ARHGAP5: variants seen among roughly 807,000 people sequenced by gnomAD.
ARHGAP5 encodes the protein Rho GTPase activating protein 5, also known as rho GTPase-activating protein 5.
A neutral mutation model predicts 116.6 loss-of-function variants in ARHGAP5; 23 were observed. The ratio of observed to expected loss-of-function variants is 0.20; its 90% CI spans 0.14 to 0.28. The LOEUF is 0.28. ARHGAP5 is among the 10% of genes least tolerant of loss of function. The pLI is 1.00. For missense variants in ARHGAP5, 1,405 were observed against 1,774.8 expected (o/e 0.79, Z 3.74); for synonymous variants, 574 against 602.0 (o/e 0.95, Z 0.68).
chr14:32,098,189 G>C (rs764170252), intron 2 of ARHGAP5, among the ~76,000 whole-genome samples: 2 of 152,192 alleles, frequency 1.3e-5, no homozygotes, highest in Non-Finnish European at 2.9e-5. Context: ...AATGGTGGTA[G>C]TGTGTATGCT....
intron 5 of ARHGAP5, among the ~76,000 whole-genome samples, chr14:32,151,146 T>C (rs1594399498): frequency 6.6e-6 from 1 of 152,346 alleles, no homozygotes; most frequent in East Asian, 1.9e-4. Flanking sequence ...ATGGCTTAAT[T>C]GATAGCTTAG....
At position 32,154,746 on chromosome 14, in the gene ARHGAP5, C is replaced by T. The variant is rs11551871; in HGVS notation, c.4307C>T (p.Ser1436Phe). Residue 1436 changes from serine to phenylalanine, a missense_variant, in exon 7 of 7, where the codon TCT (serine) becomes TTT (phenylalanine). Transcript: ENST00000345122. ...EFLSTTKIHQ[S>F]VVETFIQQCQ... ...CTGTCTACTACTAAGATTCATCAAT[C>T]TGTTGTTGAAACATTCATTCAGCAG... 1.2e-6 allele frequency: 2 copies of T among 1,614,126 alleles called. No homozygotes were observed. The highest frequency in any genetic ancestry group is 1.7e-5 in the Admixed American group (1 of 60,024).
In ARHGAP5 at chr14:32,154,625, A is replaced by C; in HGVS notation, c.4186A>C (p.Ser1396Arg). The change falls in exon 7 of 7, where the codon AGT becomes CGT. Residue 1396 changes from serine to arginine, a missense_variant. Coordinates refer to ENST00000345122, the MANE Select transcript of ARHGAP5 (RefSeq NM_001030055.2). ...RYVITHLNRV[S>R]QQHKINLMTA... Reference sequence around the variant, plus strand: ...TTTTTCCTTTCATAATTTCAGGGTTAGTCAGCAACATAAAATCAACCTAAT... The same window carrying C: ...TTTTTCCTTTCATAATTTCAGGGTTCGTCAGCAACATAAAATCAACCTAAT... 1 of 1,600,754 alleles carries C rather than the reference A, an allele frequency of 6.2e-7. No individual in the cohort carries two copies. Among genetic ancestry groups the C allele is most frequent in the Non-Finnish European group, 8.5e-7 (1 of 1,171,144 alleles).
chr14:32,152,890 C>T (rs999402694), intron 6 of ARHGAP5, among the ~76,000 whole-genome samples: 1 of 152,036 alleles, frequency 6.6e-6, no homozygotes, highest in African/African-American at 2.4e-5. Context: ...ACTTATTCTT[C>T]CTAAGTCTTG....
chr14:32,090,516 T>C lies in ARHGAP5; in HGVS notation c.-154T>C. 1.6e-6 allele frequency: 1 copy of C among 639,238 alleles called. No homozygotes were observed. Among genetic ancestry groups the C allele is most frequent in the Non-Finnish European group, 2.6e-6 (1 of 381,180 alleles). 39.6% of individuals were successfully genotyped at this position (639,238 alleles called of 1,614,324 possible). A position where few individuals can be genotyped will look rare whatever the true frequency, so the allele number is the denominator to read the frequency against. ...CCTCTCTATAGGAAGATGATCCCTA[T>C]GATCTTGAAGATGTTTCTGCACAGA... On this transcript the variant is annotated 5_prime_UTR_variant, in exon 2 of 7. An upstream start codon of the reference 5' UTR is lost. Transcript: ENST00000345122.
At chr14:32,082,581 T>A (rs570320541) in intron 1 of ARHGAP5, among the ~76,000 whole-genome samples, 1 of 152,300 alleles carries the variant, frequency 6.6e-6, no homozygotes, top group South Asian at 2.1e-4. Context: ...GGTCTTGCTC[T>A]GTCACCCAGG....
intron 5 of ARHGAP5, among the ~76,000 whole-genome samples, chr14:32,152,179 A>G (rs564684844): frequency 3.9e-5 from 6 of 152,298 alleles, no homozygotes; most frequent in South Asian, 4.1e-4. Flanking sequence ...AATGTAATGC[A>G]CTTGAATCAT....
Position 32,094,315 on chromosome 14 carries a change from A to G in ARHGAP5, c.3646A>G (p.Ile1216Val), listed in dbSNP as rs1351408503. The G allele has an allele frequency of 3.1e-6, 5 of 1,612,762 alleles. No individual in the cohort carries two copies. Among genetic ancestry groups the G allele is most frequent in the Non-Finnish European group, 4.2e-6 (5 of 1,179,612 alleles). The change falls in exon 2 of 7, where the codon ATC (isoleucine) becomes GTC (valine). Residue 1216 changes from isoleucine (I) to valine (V), a missense_variant. Physicochemically the swap from Ile to Val is conservative, Grantham distance 29. Transcript: ENST00000345122. Reference sequence around the variant, plus strand: ...GAAAGGTGGTATTGATAATCCTGCAATCACTTCTGACCAGGAGTTAGATGA... The same window carrying G: ...GAAAGGTGGTATTGATAATCCTGCAGTCACTTCTGACCAGGAGTTAGATGA... The part of the protein sequence containing the change: ...TWKGGIDNPA[I>V]TSDQELDDKK...
chr14:32,144,154 G>A (rs952664219), intron 3 of ARHGAP5, among the ~76,000 whole-genome samples: 2 of 152,150 alleles, frequency 1.3e-5, no homozygotes, highest in African/African-American at 4.8e-5. Flanking sequence ...GGAGATAGCA[G>A]GGAACGTGTC....
intron 2 of ARHGAP5, among the ~76,000 whole-genome samples, chr14:32,114,877 T>C (rs1879474850): frequency 6.6e-6 from 1 of 152,248 alleles, no homozygotes; most frequent in South Asian, 2.1e-4. Flanking sequence ...AAGCCCTGCC[T>C]GTGCGCCTTC....
At chr14:32,134,110 A>G (rs1003252921) in intron 3 of ARHGAP5, among the ~76,000 whole-genome samples, 2 of 152,208 alleles carry the variant, frequency 1.3e-5, no homozygotes, top group African/African-American at 4.8e-5. Context: ...AGCACGTCAG[A>G]AAGCTTATCC....
At chr14:32,078,591 C>T (rs933796709) in intron 1 of ARHGAP5, among the ~76,000 whole-genome samples, 2 of 151,868 alleles carry the variant, frequency 1.3e-5, no homozygotes, top group African/African-American at 4.8e-5. Context: ...CTAGTACTTG[C>T]TTATGTTGCT....
rs1220250409 is a variant in ARHGAP5, at chr14:32,158,265, T to C, written c.*3317T>C. 1.3e-5 allele frequency: 2 copies of C among 151,906 alleles called. No individual in the cohort carries two copies. The highest frequency in any genetic ancestry group is 3.0e-5 in the Non-Finnish European group (2 of 67,790). 9.4% of individuals were successfully genotyped at this position (151,906 alleles called of 1,614,324 possible). ...GAAATCTTATTAAGGAGATGTATTA[T>C]TGAATTTTCACTGTACCTGAAAAGG... On this transcript the variant is annotated 3_prime_UTR_variant, in exon 7 of 7. Coordinates refer to ENST00000345122, the MANE Select transcript of ARHGAP5 (RefSeq NM_001030055.2).
intron 3 of ARHGAP5, among the ~76,000 whole-genome samples, chr14:32,133,250 CTT>C (rs1194676588): frequency 1.3e-5 from 2 of 152,160 alleles, no homozygotes; most frequent in Admixed American, 6.5e-5. Context: ...TTTGTATCCT[CTT>C]TTATTTCCTT....
At chr14:32,144,538 CAGTG>C (rs1272097885) in intron 3 of ARHGAP5, among the ~76,000 whole-genome samples, 6 of 151,902 alleles carry the variant, frequency 3.9e-5, no homozygotes, top group South Asian at 2.1e-4. Context: ...GGCTGGAGTG[CAGTG>C]GTGTGATCTT....
intron 2 of ARHGAP5, among the ~76,000 whole-genome samples, chr14:32,106,747 A>G (rs576826654): frequency 2.4e-4 from 36 of 152,336 alleles, no homozygotes; most frequent in African/African-American, 8.7e-4. Flanking sequence ...GTACATCAAA[A>G]TAGATGGAAA....
chr14:32,106,414 C>T (rs1349059235), intron 2 of ARHGAP5, among the ~76,000 whole-genome samples: 4 of 152,198 alleles, frequency 2.6e-5, no homozygotes, highest in African/African-American at 7.2e-5. Context: ...CCGCTGCACT[C>T]GGCCTGGGTA....
At chr14:32,089,945 G>A (rs891892086) in intron 1 of ARHGAP5, among the ~76,000 whole-genome samples, 7 of 151,110 alleles carry the variant, frequency 4.6e-5, no homozygotes, top group Non-Finnish European at 8.9e-5. Flanking sequence ...ATTTTGGGGG[G>A]GTATAACATT....
chr14:32,144,640 T>C (rs966056290), intron 3 of ARHGAP5, among the ~76,000 whole-genome samples: 4 of 151,996 alleles, frequency 2.6e-5, no homozygotes, highest in Non-Finnish European at 4.4e-5. Flanking sequence ...CCCACCACCA[T>C]GCCTAGCTAA....
Sources: allele counts gnomAD v4.1 joint callset (sites outside exome capture counted in the v4.1 genomes callset), GRCh38; gene constraint gnomAD v4.1.1; transcripts MANE v1.5; gene names NCBI Gene and HGNC (gene_info 2026-07-23, HGNC 2026-07-21).